The following ANXA11 variants were observed in gnomAD, a reference collection of about 807,000 sequenced individuals.
ANXA11 encodes the protein 56 kDa autoantigen.
In ANXA11, 57 loss-of-function variants were observed where a neutral mutation model predicts 64.7. That is an observed-to-expected ratio of 0.88 (90% CI 0.71 to 1.10). The LOEUF is 1.10. Among genes scored for constraint, ANXA11 ranks in the 50% least tolerant of loss-of-function variants. ANXA11 has a pLI of 0.00. For synonymous variants in ANXA11, 260 were observed against 265.2 expected (o/e 0.98, Z 0.19); for missense variants, 675 against 670.7 (o/e 1.01, Z -0.07).
intron 3 of ANXA11, among the ~76,000 whole-genome samples, chr10:80,172,157 C>A (rs766735569): frequency 6.6e-6 from 1 of 152,144 alleles, no homozygotes; most frequent in Non-Finnish European, 1.5e-5. Flanking sequence ...TCTCATGAGC[C>A]CTCATATTTC....
At chr10:80,186,782 C>G (rs61860044) in intron 1 of ANXA11, among the ~76,000 whole-genome samples, 10,133 of 152,262 alleles carry the variant, frequency 0.067, 551 homozygotes, top group South Asian at 0.2. Flanking sequence ...TTCCATACAA[C>G]GCAGACCGAG....
chr10:80,175,051 C>T (rs1282174203), intron 2 of ANXA11, among the ~76,000 whole-genome samples: 3 of 152,170 alleles, frequency 2.0e-5, no homozygotes, highest in Non-Finnish European at 4.4e-5. Flanking sequence ...GGACCTACTC[C>T]TTGCAGTTTT....
chr10:80,179,602 T>G (rs1282562607), intron 1 of ANXA11, among the ~76,000 whole-genome samples: 2 of 152,154 alleles, frequency 1.3e-5, no homozygotes, highest in African/African-American at 4.8e-5. Flanking sequence ...AAGAAGAATG[T>G]GTGTTCAGAG....
intron 1 of ANXA11, among the ~76,000 whole-genome samples, chr10:80,185,021 A>G (rs569002397): frequency 1.3e-5 from 2 of 152,342 alleles, no homozygotes; most frequent in African/African-American, 2.4e-5. Flanking sequence ...TTAAGTATCA[A>G]ATAGGATGTA....
intron 1 of ANXA11, chr10:80,181,506 A>G (rs1036839390): frequency 6.6e-6 from 1 of 152,086 alleles, no homozygotes; most frequent in African/African-American, 2.4e-5. Context: ...GAAAGGAAGG[A>G]AAAACAAGCC....
At position 80,169,141 on chromosome 10, in the gene ANXA11, C is replaced by A. The variant is rs377524413; in HGVS notation, c.389G>T (p.Gly130Val). The change falls in exon 5 of 16, where the codon GGC becomes GTC. Residue 130 changes from glycine (G) to valine (V), a missense_variant. Gly to Val is a moderately radical substitution (Grantham distance 109). Transcript: ENST00000422982. ...CTGTCCGGGGGGTGGCATGGGCTGG[C>A]CCGGCACAGGGGCCCCTGGGTATGG... ...YPPYPGAPVP[G>V]QPMPPPGQQP... 1 of 1,554,256 alleles carries A rather than the reference C, an allele frequency of 6.4e-7. No individual in the cohort carries two copies. The highest frequency in any genetic ancestry group is 8.7e-7 in the Non-Finnish European group (1 of 1,155,404).
chr10:80,169,079 T>C lies in ANXA11; in HGVS notation c.451A>G (p.Thr151Ala), dbSNP rs566752242. Residue 151 changes from threonine (T) to alanine (A), a missense_variant, in exon 5 of 16, where the codon ACC becomes GCC. Coordinates refer to ENST00000422982, the MANE Select transcript of ANXA11 (RefSeq NM_145868.2). Reference protein sequence around the residue: ...PGAYPGQPPVTYPGQPPVPLP... With the variant: ...PGAYPGQPPVAYPGQPPVPLP... ...GGCACTGGAGGCTGACCAGGGTAGG[T>C]CACTGGTGGCTGCCCAGGGTAGGCC... The C allele has an allele frequency of 1.2e-4, 181 of 1,535,390 alleles. 7 individuals carry two copies. The South Asian group carries it at 1.2e-3, about 10-fold the overall frequency.
chr10:80,178,970 T>C (rs1190673060), intron 1 of ANXA11, among the ~76,000 whole-genome samples: 3 of 152,238 alleles, frequency 2.0e-5, no homozygotes, highest in Non-Finnish European at 4.4e-5. Context: ...CCTTAAGGTA[T>C]TGGACACTCT....
At chr10:80,157,804 T>A (rs767785759) in intron 14 of ANXA11, 41 bp from the exon 15 acceptor site, 1 of 1,601,126 alleles carries the variant, frequency 6.2e-7, no homozygotes, top group Admixed American at 1.7e-5. Context: ...CCAGGCCTCC[T>A]CACCTTCCCA....
chr10:80,171,032 AGCCTCGG>A lies in ANXA11; in HGVS notation c.56-124_56-118del, dbSNP rs1312895673. 3 of 1,524,898 alleles carry A rather than the reference AGCCTCGG, an allele frequency of 2.0e-6. No individual in the cohort carries two copies. In the African/African-American group the frequency reaches 4.1e-5, roughly 21 times the overall value. The allele number at this position is 1,524,898 out of a possible 1,614,324, so 94.5% of individuals were successfully genotyped here. A position where few individuals can be genotyped will look rare whatever the true frequency, so the allele number is the denominator to read the frequency against. ...AGGCCCAGTAAAGCCTCGAGCCTCG[AGCCTCGG>A]GACACCACAGACCACATGAAAACAC... On this transcript the variant is annotated intron_variant, in intron 3 of 15. Coordinates refer to ENST00000422982, the MANE Select transcript of ANXA11 (RefSeq NM_145868.2).
intron 8 of ANXA11, among the ~76,000 whole-genome samples, chr10:80,164,610 G>C (rs1327286277): frequency 6.6e-6 from 1 of 152,218 alleles, no homozygotes; most frequent in East Asian, 1.9e-4. Flanking sequence ...GAAAAGGTAG[G>C]AACAACAAGG....
rs563638935 is a variant in ANXA11 at position 80,162,087 on chromosome 10, T to C, written c.1087-59A>G. 4.0e-4 allele frequency: 576 copies of C among 1,437,428 alleles called. 2 individuals carry two copies. The highest frequency in any genetic ancestry group is 3.3e-3 in the Middle Eastern group (19 of 5,694). 89.0% of individuals were successfully genotyped at this position (1,437,428 alleles called of 1,614,324 possible). On this transcript the variant is annotated intron_variant, in intron 11 of 15. Transcript: ENST00000422982. ...GCCACACCCAGACCCCAGGCCCAGGTCACCCAGGAGAGCCTGGTAAACTTC... is the reference window on the plus strand; with the variant it reads ...GCCACACCCAGACCCCAGGCCCAGGCCACCCAGGAGAGCCTGGTAAACTTC...
intron 11 of ANXA11, 118 bp downstream of exon 11, chr10:80,163,231 A>T (rs1253426681): frequency 8.7e-7 from 1 of 1,147,966 alleles, no homozygotes; most frequent in Non-Finnish European, 1.3e-6. Context: ...AACTCACAGC[A>T]TCTGCAACCC....
chr10:80,170,744 C>T, intron 4 of ANXA11, 56 bp downstream of exon 4: 1 of 1,372,946 alleles, frequency 7.3e-7, no homozygotes, highest in Non-Finnish European at 9.6e-7. Flanking sequence ...AGCTTTGATT[C>T]CTCTGGCCAC....
chr10:80,163,299 G>A (rs770117003), intron 11 of ANXA11, 50 bp downstream of exon 11: 15 of 1,598,470 alleles, frequency 9.4e-6, no homozygotes, highest in South Asian at 5.5e-5. Flanking sequence ...GCAAGAAAGC[G>A]GGGTGCATCC....
At chr10:80,204,590 C>T (rs1049931643) in intron 1 of ANXA11, among the ~76,000 whole-genome samples, 1 of 152,354 alleles carries the variant, frequency 6.6e-6, no homozygotes, top group South Asian at 2.1e-4. Context: ...CTTGGGCTAG[C>T]ACTGGCTGGC....
chr10:80,160,431 T>C (rs12268737), intron 12 of ANXA11, among the ~76,000 whole-genome samples: 2,466 of 152,262 alleles, frequency 0.016, 68 homozygotes, highest in African/African-American at 0.056. Context: ...CAGCTGCGAA[T>C]GGGGAGAGCC....
At chr10:80,198,616 T>G (rs1274080757) in intron 1 of ANXA11, among the ~76,000 whole-genome samples, 3 of 152,226 alleles carry the variant, frequency 2.0e-5, no homozygotes, top group African/African-American at 7.2e-5. Flanking sequence ...TTCTTATACA[T>G]GCTCAAGTTT....
intron 1 of ANXA11, among the ~76,000 whole-genome samples, chr10:80,187,955 C>T (rs892384476): frequency 1.3e-5 from 2 of 152,262 alleles, no homozygotes; most frequent in East Asian, 3.9e-4. Flanking sequence ...ACAAGACAAC[C>T]CTTGCAGCAG....
Sources: gnomAD v4.1 joint callset for allele counts (sites outside exome capture counted in the v4.1 genomes callset) on GRCh38, gnomAD v4.1.1 for gene constraint, MANE v1.5 for transcripts, NCBI Gene and HGNC (gene_info 2026-07-23, HGNC 2026-07-21) for gene names.